Variants in CSMD3 observed in about 807,000 individuals in gnomAD.
The protein encoded by CSMD3 is CUB and Sushi multiple domains 3.
CSMD3 carries 177 observed loss-of-function variants against 435.2 expected under a neutral mutation model. The observed-to-expected ratio is 0.41, with a 90% CI of 0.36 to 0.46. The LOEUF (loss-of-function observed/expected upper bound fraction) is 0.46. CSMD3 is among the 20% of genes least tolerant of loss of function. The pLI, the probability that CSMD3 is intolerant of heterozygous loss-of-function variation, is 0.34. For synonymous variants in CSMD3, 1,656 were observed against 1,520.5 expected (o/e 1.09, Z -2.07); for missense variants, 4,265 against 4,504.6 (o/e 0.95, Z 1.52).
chr8:112,656,681 T>C (rs958239053), intron 17 of CSMD3, among the ~76,000 whole-genome samples: 1 of 152,174 alleles, frequency 6.6e-6, no homozygotes, highest in African/African-American at 2.4e-5. Context: ...TGGAAAAATA[T>C]GTGGTTTACA....
intron 12 of CSMD3, 59 bp from the exon 13 acceptor site, chr8:112,800,333 A>G: frequency 9.4e-7 from 1 of 1,068,882 alleles, no homozygotes; most frequent in Admixed American, 1.7e-5. Flanking sequence ...TCTGCATACA[A>G]ATTATAAGAC....
chr8:113,340,949 T>A (rs1272935654), intron 1 of CSMD3, among the ~76,000 whole-genome samples: 1 of 152,108 alleles, frequency 6.6e-6, no homozygotes, highest in Non-Finnish European at 1.5e-5. Flanking sequence ...TATCTTTATT[T>A]CTTATCACTT....
At chr8:113,145,763 G>A (rs1170965806) in intron 4 of CSMD3, among the ~76,000 whole-genome samples, 3 of 151,584 alleles carry the variant, frequency 2.0e-5, no homozygotes, top group East Asian at 1.9e-4. Flanking sequence ...ATGACACAGA[G>A]GAGGTACTTA....
intron 13 of CSMD3, among the ~76,000 whole-genome samples, chr8:112,785,899 A>G (rs1292053657): frequency 6.6e-6 from 1 of 152,062 alleles, no homozygotes; most frequent in Non-Finnish European, 1.5e-5. Context: ...AATACCAATG[A>G]CATTCTTCAC....
intron 3 of CSMD3, among the ~76,000 whole-genome samples, chr8:113,217,563 GAAATGAATA>G (rs1478184685): frequency 6.6e-6 from 1 of 151,610 alleles, no homozygotes; most frequent in Non-Finnish European, 1.5e-5. Flanking sequence ...TTAACTATCT[GAAATGAATA>G]ATTTATTAAG....
chr8:113,384,771 A>G (rs553613995), intron 1 of CSMD3, among the ~76,000 whole-genome samples: 1 of 152,308 alleles, frequency 6.6e-6, no homozygotes, highest in African/African-American at 2.4e-5. Flanking sequence ...GGAAAATGCC[A>G]GGGTTTTCTC....
chr8:112,292,606 T>G lies in CSMD3; in HGVS notation c.8719A>C (p.Met2907Leu). 6.2e-7 allele frequency: 1 copy of G among 1,613,816 alleles called. No homozygotes were observed. Among genetic ancestry groups the G allele is most frequent in the African/African-American group, 1.3e-5 (1 of 75,022 alleles). The change falls in exon 55 of 71, where the codon ATG (methionine) becomes CTG (leucine). Residue 2907 changes from methionine to leucine, a missense_variant. Met to Leu is a conservative substitution (Grantham distance 15). Transcript: ENST00000297405. ...VTFSCNIGYLMQGPTKAQCQA... is the reference protein window; with the variant it reads ...VTFSCNIGYLLQGPTKAQCQA... ...CACTGTGCCTTTGTTGGCCCTTGCA[T>G]AAGATACCCAATATTGCATGAGAAT...
intron 32 of CSMD3, among the ~76,000 whole-genome samples, chr8:112,414,040 T>C (rs1466284042): frequency 1.3e-5 from 2 of 152,120 alleles, no homozygotes; most frequent in Admixed American, 6.6e-5. Context: ...TCATCCCTGA[T>C]GTTTCCTCTT....
At chr8:112,546,632 C>T (rs924635829) in intron 27 of CSMD3, among the ~76,000 whole-genome samples, 1 of 152,118 alleles carries the variant, frequency 6.6e-6, no homozygotes, top group Non-Finnish European at 1.5e-5. Flanking sequence ...GCATGATACC[C>T]AATGATATCT....
intron 13 of CSMD3, among the ~76,000 whole-genome samples, chr8:112,758,076 C>T (rs920258141): frequency 1.3e-4 from 19 of 151,884 alleles, no homozygotes; most frequent in Non-Finnish European, 2.5e-4. Context: ...AAAAAGGGGC[C>T]GGGTGCGGTT....
At chr8:112,903,620 C>A (rs1423381698) in intron 10 of CSMD3, among the ~76,000 whole-genome samples, 3 of 150,854 alleles carry the variant, frequency 2.0e-5, no homozygotes, top group Admixed American at 1.3e-4. Flanking sequence ...GAAGAAAAAA[C>A]TCTGGTGTGG....
intron 13 of CSMD3, among the ~76,000 whole-genome samples, chr8:112,768,546 G>GT: frequency 6.6e-6 from 1 of 151,870 alleles, no homozygotes; most frequent in Non-Finnish European, 1.5e-5. Flanking sequence ...TTTTTAGAGT[G>GT]AAGCTTTGTA....
intron 1 of CSMD3, among the ~76,000 whole-genome samples, chr8:113,365,601 A>C (rs564269899): frequency 1.3e-5 from 2 of 152,198 alleles, no homozygotes; most frequent in African/African-American, 4.8e-5. Context: ...ATTTTAATTC[A>C]ATATTTATAA....
chr8:112,844,624 A>G (rs2080267681), intron 11 of CSMD3, among the ~76,000 whole-genome samples: 1 of 152,012 alleles, frequency 6.6e-6, no homozygotes, highest in Non-Finnish European at 1.5e-5. Context: ...GATAAAGACC[A>G]CAAATTGGGA....
chr8:112,845,873 A>T (rs2080303499), intron 11 of CSMD3, among the ~76,000 whole-genome samples: 1 of 151,988 alleles, frequency 6.6e-6, no homozygotes, highest in African/African-American at 2.4e-5. Flanking sequence ...AAGGGGAAGG[A>T]TGTAAAATGA....
chr8:112,527,259 T>C (rs1256776953), intron 27 of CSMD3, among the ~76,000 whole-genome samples: 2 of 151,726 alleles, frequency 1.3e-5, no homozygotes, highest in East Asian at 3.9e-4. Context: ...AGTAAAAAGA[T>C]GCTAAAAGGC....
intron 27 of CSMD3, among the ~76,000 whole-genome samples, chr8:112,520,077 C>T (rs1253158640): frequency 6.6e-6 from 1 of 151,938 alleles, no homozygotes; most frequent in Non-Finnish European, 1.5e-5. Flanking sequence ...AAAATATTTG[C>T]ACCGATGTCA....
At chr8:112,467,060 T>C (rs554400302) in intron 32 of CSMD3, among the ~76,000 whole-genome samples, 1 of 152,312 alleles carries the variant, frequency 6.6e-6, no homozygotes, top group East Asian at 1.9e-4. Context: ...GCAGCTACTT[T>C]TTTAAAAAGC....
intron 50 of CSMD3, among the ~76,000 whole-genome samples, chr8:112,309,930 T>A (rs1314761728): frequency 7.2e-5 from 11 of 152,272 alleles, no homozygotes; most frequent in Non-Finnish European, 1.5e-5. Flanking sequence ...CACCAAAAAA[T>A]AGGTAATAAG....
Sources: gnomAD v4.1 joint callset for allele counts (sites outside exome capture counted in the v4.1 genomes callset) on GRCh38, gnomAD v4.1.1 for gene constraint, MANE v1.5 for transcripts, NCBI Gene and HGNC (gene_info 2026-07-23, HGNC 2026-07-21) for gene names.